The following ZC2HC1B variants were observed in gnomAD, a reference collection of about 807,000 sequenced individuals.
The protein encoded by ZC2HC1B is zinc finger C2HC-type containing 1B, also known as zinc finger C2HC domain-containing protein 1B.
ZC2HC1B carries 36 observed loss-of-function variants against 31.0 expected under a neutral mutation model. The ratio of observed to expected loss-of-function variants is 1.16; its 90% CI spans 0.89 to 1.54. ZC2HC1B has a LOEUF of 1.54. Ranked by LOEUF, ZC2HC1B falls within the 40% of genes most tolerant of loss-of-function variation. The pLI is 0.00. For missense variants in ZC2HC1B, 260 were observed against 268.6 expected (o/e 0.97, Z 0.22); for synonymous variants, 73 against 88.0 (o/e 0.83, Z 0.95).
At position 143,864,545 on chromosome 6, in the gene ZC2HC1B, T is replaced by C; in HGVS notation, c.6T>C (p.Ala2=). M[A]GAEPFLADGN... is the part of the protein sequence containing the mutation. ...TGCTCTGAGTTAGGAACAGAATGGC[T>C]GGGGCAGAACCATTTTTGGCAGGTG... The change falls in exon 1 of 8, where the codon GCT becomes GCC. Residue 2 remains alanine (A), a synonymous_variant. Coordinates refer to ENST00000237275, the MANE Select transcript of ZC2HC1B (RefSeq NM_001013623.3). 3 of 1,551,646 alleles carry C rather than the reference T, an allele frequency of 1.9e-6. No individual in the cohort carries two copies. The highest frequency in any genetic ancestry group is 1.2e-5 in the South Asian group (1 of 84,064).
rs1219046297 is a variant in ZC2HC1B, at chr6:143,934,383, A to G, written c.599-3266A>G. On this transcript the variant is annotated intron_variant, in intron 6 of 7. Coordinates refer to ENST00000237275, the MANE Select transcript of ZC2HC1B (RefSeq NM_001013623.3). The surrounding 1 kb of genome is among the most constrained non-coding windows in gnomAD (Gnocchi z 4.6). ...TTATCAGCCCTGTCCCCTATCTGCC[A>G]TCTTCCCTCTCTTTCAATATGCTTT... Among the ~76,000 whole-genome samples, 1 of 152,130 alleles carries G rather than the reference A, an allele frequency of 6.6e-6. No individual in the cohort carries two copies. The highest frequency in any genetic ancestry group is 2.4e-5 in the African/African-American group (1 of 41,420).
chr6:143,901,774 A>G (rs548537446), intron 5 of ZC2HC1B, among the ~76,000 whole-genome samples: 7 of 152,218 alleles, frequency 4.6e-5, no homozygotes, highest in African/African-American at 1.7e-4. Context: ...CTTCTCCAGT[A>G]GCCTTTTCCA....
chr6:143,884,209 G>T lies in ZC2HC1B; in HGVS notation c.29-95G>T, dbSNP rs1777504760. 2 of 1,085,572 alleles carry T rather than the reference G, an allele frequency of 1.8e-6. No individual in the cohort carries two copies. The highest frequency in any genetic ancestry group is 1.6e-5 in the African/African-American group (1 of 63,726). The allele number at this position is 1,085,572 out of a possible 1,614,324, so 67.2% of individuals were successfully genotyped here. ...TGGTGGGGAGGGAAAAGAGAGTGAG[G>T]ATATCAAGCTATTGAGGTCACCTCC... On this transcript the variant is annotated intron_variant, in intron 1 of 7. Transcript: ENST00000237275. This position sits in a 1 kb window ranked among gnomAD's most constrained non-coding sequence, Gnocchi z 5.1.
rs1161358284 is a variant in ZC2HC1B, at chr6:143,887,481, CA to C, written c.349+661del. 6.6e-6 allele frequency among the ~76,000 whole-genome samples: 1 copy of C among 152,068 alleles called. No individual in the cohort carries two copies. Among genetic ancestry groups the C allele is most frequent in the Non-Finnish European group, 1.5e-5 (1 of 68,008 alleles). ...CTGCATAATCACAATACTATTATCACACTTGATATATATTAATATGTTTTCC... is the reference window on the plus strand; with the variant it reads ...CTGCATAATCACAATACTATTATCACCTTGATATATATTAATATGTTTTCC... On this transcript the variant is annotated intron_variant, in intron 4 of 7. Coordinates refer to ENST00000237275, the MANE Select transcript of ZC2HC1B (RefSeq NM_001013623.3). This position sits in a 1 kb window ranked among gnomAD's most constrained non-coding sequence, Gnocchi z 5.1.
rs532407910 is a variant in ZC2HC1B, at chr6:143,884,279, T to A, written c.29-25T>A. ...GCGAGGAAATTCCATGAAACTAACA[T>A]AATGTGCTCTTGAATTTTACACAGA... On this transcript the variant is annotated intron_variant, in intron 1 of 7. Coordinates refer to ENST00000237275, the MANE Select transcript of ZC2HC1B (RefSeq NM_001013623.3). The surrounding 1 kb of genome is among the most constrained non-coding windows in gnomAD (Gnocchi z 5.1). 8.5e-5 allele frequency: 129 copies of A among 1,520,546 alleles called. No individual in the cohort carries two copies. In the Middle Eastern group the frequency reaches 2.9e-3, roughly 34 times the overall value. 94.2% of individuals were successfully genotyped at this position (1,520,546 alleles called of 1,614,324 possible).
chr6:143,886,659 A>G lies in ZC2HC1B; in HGVS notation c.211-24A>G, dbSNP rs1456827965. On this transcript the variant is annotated intron_variant, in intron 3 of 7. Coordinates refer to ENST00000237275, the MANE Select transcript of ZC2HC1B (RefSeq NM_001013623.3). This position sits in a 1 kb window ranked among gnomAD's most constrained non-coding sequence, Gnocchi z 4.2. ...GGAGAGGTATATAGTCTAGGGTATT[A>G]TTTGTTGGTTTTATTTTTTACAGTC... 1 of 1,513,092 alleles carries G rather than the reference A, an allele frequency of 6.6e-7. No individual in the cohort carries two copies. The highest frequency in any genetic ancestry group is 1.4e-5 in the African/African-American group (1 of 70,792). 93.7% of individuals were successfully genotyped at this position (1,513,092 alleles called of 1,614,324 possible). A position where few individuals can be genotyped will look rare whatever the true frequency, so the allele number is the denominator to read the frequency against.
intron 5 of ZC2HC1B, 26 bp downstream of exon 5, chr6:143,898,717 C>T (rs1777701625): frequency 5.8e-6 from 9 of 1,551,372 alleles, no homozygotes; most frequent in Non-Finnish European, 7.8e-6. Flanking sequence ...CAGGTGTTGG[C>T]TCTTGTGCCC....
At position 143,908,465 on chromosome 6, in the gene ZC2HC1B, A is replaced by G. The variant is rs142881839; in HGVS notation, c.598+5313A>G. ...CTCTGATTTCTTTGAGCAGTGGTTTATAGTTCTCTTTGAAGAGATTCTTCA... is the reference window on the plus strand; with the variant it reads ...CTCTGATTTCTTTGAGCAGTGGTTTGTAGTTCTCTTTGAAGAGATTCTTCA... On this transcript the variant is annotated intron_variant, in intron 6 of 7. Coordinates refer to ENST00000237275, the MANE Select transcript of ZC2HC1B (RefSeq NM_001013623.3). The surrounding 1 kb of genome is among the most constrained non-coding windows in gnomAD (Gnocchi z 4.4). Among the ~76,000 whole-genome samples the G allele has an allele frequency of 2.2e-3, 329 of 152,166 alleles. No homozygotes were observed. The highest frequency in any genetic ancestry group is 7.7e-3 in the African/African-American group (320 of 41,528).
intron 6 of ZC2HC1B, among the ~76,000 whole-genome samples, chr6:143,927,905 T>C (rs2128497554): frequency 6.6e-6 from 1 of 152,346 alleles, no homozygotes; most frequent in African/African-American, 2.4e-5. Flanking sequence ...GAATATTTTT[T>C]CATATGCTTT....
At chr6:143,893,982 G>A (rs181266876) in intron 4 of ZC2HC1B, among the ~76,000 whole-genome samples, 6 of 152,136 alleles carry the variant, frequency 3.9e-5, no homozygotes, top group East Asian at 3.9e-4. Context: ...CACCGCGCCC[G>A]GCCTGCACTG....
At position 143,938,155 on chromosome 6, in the gene ZC2HC1B, A is replaced by T. The variant is rs1778199614; in HGVS notation, c.*28A>T. ...TTCTGCTTTCAGACTGCCTCCCTGA[A>T]ACCCATCAGCCTGGATGGTTGCGTA... On this transcript the variant is annotated 3_prime_UTR_variant, in exon 8 of 8. Transcript: ENST00000237275. This position sits in a 1 kb window ranked among gnomAD's most constrained non-coding sequence, Gnocchi z 4.2. 1 of 153,490 alleles carries T rather than the reference A, an allele frequency of 6.5e-6. No individual in the cohort carries two copies. The highest frequency in any genetic ancestry group is 1.4e-5 in the Non-Finnish European group (1 of 69,008). 9.5% of individuals were successfully genotyped at this position (153,490 alleles called of 1,614,324 possible). A position where few individuals can be genotyped will look rare whatever the true frequency, so the allele number is the denominator to read the frequency against.
chr6:143,916,758 A>G (rs1023902568), intron 6 of ZC2HC1B, among the ~76,000 whole-genome samples: 5 of 152,154 alleles, frequency 3.3e-5, no homozygotes, highest in African/African-American at 7.2e-5. Flanking sequence ...TTGTTTGGCC[A>G]ATGTCTCCCA....
intron 6 of ZC2HC1B, among the ~76,000 whole-genome samples, chr6:143,926,045 TTTTG>T (rs746889915): frequency 2.1e-4 from 32 of 152,320 alleles, no homozygotes; most frequent in African/African-American, 7.5e-4. Context: ...GATTTATCAA[TTTTG>T]TTTATCTTTT....
intron 6 of ZC2HC1B, among the ~76,000 whole-genome samples, chr6:143,909,382 G>A (rs555074528): frequency 6.6e-6 from 1 of 152,082 alleles, no homozygotes; most frequent in Admixed American, 6.5e-5. Flanking sequence ...GGGTGACAGA[G>A]CTAGACTCCA....
intron 1 of ZC2HC1B, among the ~76,000 whole-genome samples, chr6:143,878,093 T>C (rs1311071345): frequency 6.6e-6 from 1 of 150,966 alleles, no homozygotes; most frequent in Non-Finnish European, 1.5e-5. Context: ...AACTTACTTG[T>C]AACCCTAACA....
At chr6:143,919,262 TG>T in intron 6 of ZC2HC1B, among the ~76,000 whole-genome samples, 1 of 150,454 alleles carries the variant, frequency 6.6e-6, no homozygotes, top group South Asian at 2.1e-4. Context: ...TGTGTGTGTG[TG>T]TGTATGTGAC....
In ZC2HC1B at chr6:143,921,437, CAA is replaced by C. The variant is rs1777985651; in HGVS notation, c.599-16211_599-16210del. ...ACTTTTTAGAGTTGTTTGTGGCACA[CAA>C]GAGGGACTCAGTAAATACTTGTTGA... is the stretch of plus-strand genomic sequence containing the variant. On this transcript the variant is annotated intron_variant, in intron 6 of 7. Coordinates refer to ENST00000237275, the MANE Select transcript of ZC2HC1B (RefSeq NM_001013623.3). The surrounding 1 kb of genome is among the most constrained non-coding windows in gnomAD (Gnocchi z 6.1). Among the ~76,000 whole-genome samples, 1 of 152,122 alleles carries C rather than the reference CAA, an allele frequency of 6.6e-6. No individual in the cohort carries two copies. The highest frequency in any genetic ancestry group is 2.4e-5 in the African/African-American group (1 of 41,412).
intron 4 of ZC2HC1B, among the ~76,000 whole-genome samples, chr6:143,896,516 T>A (rs1473908601): frequency 2.6e-5 from 4 of 152,250 alleles, no homozygotes; most frequent in Non-Finnish European, 4.4e-5. Flanking sequence ...TCTATTGTAC[T>A]TTTTTCCTAG....
At position 143,874,891 on chromosome 6, in the gene ZC2HC1B, G is replaced by T. The variant is rs146197833; in HGVS notation, c.29-9413G>T. On this transcript the variant is annotated intron_variant, in intron 1 of 7. Transcript: ENST00000237275. ...TCTGTTACCCAGACTGCAGTGCAGT[G>T]GCAAAATCTCAGCTCACTGCAACCA... 7.1e-3 allele frequency among the ~76,000 whole-genome samples: 1,077 copies of T among 152,178 alleles called. 13 individuals carry two copies. The highest frequency in any genetic ancestry group is 0.025 in the African/African-American group (1,025 of 41,488).
Sources: allele counts gnomAD v4.1 joint callset (sites outside exome capture counted in the v4.1 genomes callset), GRCh38; gene constraint gnomAD v4.1.1; non-coding constraint Gnocchi (gnomAD v3.1); transcripts MANE v1.5; gene names NCBI Gene and HGNC (gene_info 2026-07-23, HGNC 2026-07-21).